CNOT1: variants seen among roughly 807,000 people sequenced by gnomAD.
CNOT1 encodes the protein CCR4-associated factor 1.
CNOT1 carries 15 observed loss-of-function variants against 273.8 expected under a neutral mutation model. That is an observed-to-expected ratio of 0.05 (90% CI 0.04 to 0.08). The LOEUF (loss-of-function observed/expected upper bound fraction) is 0.08. CNOT1 is among the 10% of genes least tolerant of loss of function. The pLI is 1.00. For synonymous variants in CNOT1, 1,022 were observed against 1,005.5 expected (o/e 1.02, Z -0.31); for missense variants, 1,644 against 2,912.2 (o/e 0.56, Z 10.02).
chr16:58,602,396 A>G (rs1376004840), intron 1 of CNOT1, among the ~76,000 whole-genome samples: 1 of 151,586 alleles, frequency 6.6e-6, no homozygotes, highest in Non-Finnish European at 1.5e-5. Context: ...GGCTTAAAAA[A>G]CCATCTGTAG....
In CNOT1 at chr16:58,533,568, G is replaced by A. The variant is rs147555796; in HGVS notation, c.5895+579C>T. Among the ~76,000 whole-genome samples the A allele has an allele frequency of 3.1e-3, 469 of 152,306 alleles. 5 individuals are homozygous for A. Among genetic ancestry groups the A allele is most frequent in the Non-Finnish European group, 3.5e-3 (237 of 68,020 alleles). On this transcript the variant is annotated intron_variant, in intron 40 of 48. Coordinates refer to ENST00000317147, the MANE Select transcript of CNOT1 (RefSeq NM_016284.5). Reference sequence around the variant, plus strand: ...GGAGAATGGCGTGAATCTGGGAGGCGGAGCTTGCAGGAGCTGAGATCCCGC... The same window carrying A: ...GGAGAATGGCGTGAATCTGGGAGGCAGAGCTTGCAGGAGCTGAGATCCCGC...
chr16:58,530,430 C>T (rs2039742058), intron 42 of CNOT1, 83 bp from the exon 43 acceptor site: 11 of 867,788 alleles, frequency 1.3e-5, no homozygotes, highest in Non-Finnish European at 1.8e-5. Context: ...GCTACACTGA[C>T]TTATCTTCTT....
At chr16:58,541,755 T>C (rs2040100981) in intron 33 of CNOT1, 135 bp from the exon 34 acceptor site, 2 of 780,046 alleles carry the variant, frequency 2.6e-6, no homozygotes, top group Admixed American at 2.6e-5. Flanking sequence ...TGATTAAGCA[T>C]GCACGCACAC....
intron 2 of CNOT1, among the ~76,000 whole-genome samples, chr16:58,593,793 G>A (rs2042149155): frequency 6.6e-6 from 1 of 152,218 alleles, no homozygotes; most frequent in East Asian, 1.9e-4. Context: ...AGTAGCCAAA[G>A]AAAGCAGAAG....
At position 58,547,644 on chromosome 16, in the gene CNOT1, T is replaced by C. The variant is rs1567399105; in HGVS notation, c.3561A>G (p.Ser1187=). 4 of 1,613,786 alleles carry C rather than the reference T, an allele frequency of 2.5e-6. No individual in the cohort carries two copies. The highest frequency in any genetic ancestry group is 3.4e-6 in the Non-Finnish European group (4 of 1,179,816). Residue 1187 remains serine (S), a synonymous_variant, in exon 26 of 49, where the codon TCA becomes TCG. Coordinates refer to ENST00000317147, the MANE Select transcript of CNOT1 (RefSeq NM_016284.5). This position sits in a 1 kb window ranked among gnomAD's most constrained non-coding sequence, Gnocchi z 4.0. ...CCAAGTTCTTCAGCAAAGAACGATC[T>C]GAGAAATTGGCTGCAGCTTTATCAG... ...LTSDKAAANF[S]DRSLLKNLGH...
At chr16:58,553,222 A>G (rs2040512952) in intron 22 of CNOT1, among the ~76,000 whole-genome samples, 1 of 152,080 alleles carries the variant, frequency 6.6e-6, no homozygotes, top group African/African-American at 2.4e-5. Flanking sequence ...CAGTGAACCA[A>G]GATTGCCTCA....
chr16:58,599,506 T>C lies in CNOT1; in HGVS notation c.-169A>G, dbSNP rs569301780. ...AGGGGTCTTACTCTGTTCTGAAACA[T>C]GGCACCTGTTTAAAAAAACACACAC... On this transcript the variant is annotated 5_prime_UTR_variant, in exon 2 of 49. It removes an upstream start codon present in the reference 5' UTR. Transcript: ENST00000317147. 8.8e-5 allele frequency: 64 copies of C among 724,018 alleles called. No individual in the cohort carries two copies. In the African/African-American group the frequency reaches 9.7e-4, roughly 11 times the overall value. 44.8% of individuals were successfully genotyped at this position (724,018 alleles called of 1,614,324 possible).
chr16:58,594,887 C>T (rs1018196627), intron 2 of CNOT1, among the ~76,000 whole-genome samples: 1 of 151,488 alleles, frequency 6.6e-6, no homozygotes, highest in Non-Finnish European at 1.5e-5. Flanking sequence ...GAGGCTGAGG[C>T]AGGTGGATCA....
At chr16:58,610,951 C>T (rs778729996) in intron 1 of CNOT1, among the ~76,000 whole-genome samples, 10 of 148,292 alleles carry the variant, frequency 6.7e-5, no homozygotes, top group Non-Finnish European at 1.0e-4. Context: ...GCAGGAGAAT[C>T]GCTTAAACCC....
At chr16:58,563,752 G>A (rs568453623) in intron 16 of CNOT1, among the ~76,000 whole-genome samples, 88 of 152,302 alleles carry the variant, frequency 5.8e-4, no homozygotes, top group African/African-American at 1.9e-3. Context: ...AGGCTGTGGG[G>A]AAATAGATGC....
At chr16:58,594,332 C>T (rs1330262913) in intron 2 of CNOT1, among the ~76,000 whole-genome samples, 3 of 152,078 alleles carry the variant, frequency 2.0e-5, no homozygotes, top group African/African-American at 7.2e-5. Flanking sequence ...TACGCAAATG[C>T]ACCAAGGCAG....
chr16:58,626,399 T>C (rs1415792974), intron 1 of CNOT1, among the ~76,000 whole-genome samples: 2 of 99,434 alleles, frequency 2.0e-5, no homozygotes, highest in Non-Finnish European at 3.6e-5. Context: ...AGAGCGAGAC[T>C]GCGTCTCAAA....
chr16:58,610,105 G>C (rs1312549337), intron 1 of CNOT1, among the ~76,000 whole-genome samples: 1 of 152,146 alleles, frequency 6.6e-6, no homozygotes. Context: ...ATTGGAAAGG[G>C]GAGAGAGGGC....
At chr16:58,612,633 G>A (rs2042940178) in intron 1 of CNOT1, among the ~76,000 whole-genome samples, 1 of 152,152 alleles carries the variant, frequency 6.6e-6, no homozygotes, top group South Asian at 2.1e-4. Flanking sequence ...CAGCTACTCA[G>A]GAGGCTGAGG....
rs549981811 is a variant in CNOT1, at chr16:58,551,337, T to TA, written c.3202-66dup. On this transcript the variant is annotated intron_variant, in intron 23 of 48. Coordinates refer to ENST00000317147, the MANE Select transcript of CNOT1 (RefSeq NM_016284.5). ...AAATGCTTCCCTGAAAAAAATCCAATAATGTATACAGATTTAGTGTTAAAA... is the reference window on the plus strand; with the variant it reads ...AAATGCTTCCCTGAAAAAAATCCAATAAATGTATACAGATTTAGTGTTAAAA... 8.9e-6 allele frequency: 13 copies of TA among 1,461,740 alleles called. No individual in the cohort carries two copies. In the Admixed American group the frequency reaches 3.0e-4, roughly 33 times the overall value. 90.5% of individuals were successfully genotyped at this position (1,461,740 alleles called of 1,614,324 possible).
chr16:58,576,669 C>T (rs796273828), intron 13 of CNOT1, 87 bp from the exon 14 acceptor site: 12 of 1,560,340 alleles, frequency 7.7e-6, no homozygotes, highest in Middle Eastern at 1.9e-4. Context: ...TTTGCTAGAA[C>T]TTGTATAAAA....
chr16:58,524,868 A>G (rs1490372697), intron 46 of CNOT1, among the ~76,000 whole-genome samples: 4 of 152,228 alleles, frequency 2.6e-5, no homozygotes, highest in Non-Finnish European at 5.9e-5. Flanking sequence ...GCAGCCTAAC[A>G]AAACAATGTA....
chr16:58,584,504 T>C (rs1211537518), intron 8 of CNOT1, among the ~76,000 whole-genome samples: 1 of 152,086 alleles, frequency 6.6e-6, no homozygotes, highest in Admixed American at 6.5e-5. Context: ...CTAATTTTTG[T>C]ATTTTTAGTA....
intron 2 of CNOT1, 146 bp from the exon 3 acceptor site, chr16:58,589,052 G>C: frequency 8.9e-7 from 1 of 1,123,550 alleles, no homozygotes; most frequent in Non-Finnish European, 1.2e-6. Flanking sequence ...AGGAATTATT[G>C]ATGGAAGTGC....
Sources: allele counts gnomAD v4.1 joint callset (sites outside exome capture counted in the v4.1 genomes callset), GRCh38; gene constraint gnomAD v4.1.1; non-coding constraint Gnocchi (gnomAD v3.1); transcripts MANE v1.5; gene names NCBI Gene and HGNC (gene_info 2026-07-23, HGNC 2026-07-21).